SFMBT2: variants seen among roughly 807,000 people sequenced by gnomAD.
The protein encoded by SFMBT2 is scm-like with four MBT domains protein 2.
A neutral mutation model predicts 110.1 loss-of-function variants in SFMBT2; 38 were observed. The ratio of observed to expected loss-of-function variants is 0.35; its 90% CI spans 0.27 to 0.45. The LOEUF (loss-of-function observed/expected upper bound fraction) is 0.45, where lower values mean the gene tolerates loss of function less well. SFMBT2 is among the 20% of genes least tolerant of loss of function. The probability of loss-of-function intolerance (pLI) is 1.00; values close to 1 mark genes in which losing one functional copy is unlikely to be tolerated. For synonymous variants in SFMBT2, 425 were observed against 425.4 expected (o/e 1.00, Z 0.01); for missense variants, 1,011 against 1,094.9 (o/e 0.92, Z 1.08).
At chr10:7,208,187 G>A (rs891838405) in intron 11 of SFMBT2, among the ~76,000 whole-genome samples, 2 of 152,102 alleles carry the variant, frequency 1.3e-5, no homozygotes, top group Non-Finnish European at 2.9e-5. Context: ...GCCTCTGCCC[G>A]TCCTGAAGGG....
rs1373473429 is a variant in SFMBT2, at chr10:7,172,864, C to G, written c.1985-203G>C. ...GAAGGTGTTCGGGCTGAACTTGGCC[C>G]GTCCCCAGTGTTGAAGCCCAAACCC... On this transcript the variant is annotated intron_variant, in intron 17 of 20. Transcript: ENST00000397167. The surrounding 1 kb of genome is among the most constrained non-coding windows in gnomAD (Gnocchi z 4.6). Among the ~76,000 whole-genome samples, 2 of 152,170 alleles carry G rather than the reference C, an allele frequency of 1.3e-5. No individual in the cohort carries two copies. Among genetic ancestry groups the G allele is most frequent in the African/African-American group, 4.8e-5 (2 of 41,432 alleles).
rs1332192356 is a variant in SFMBT2, at chr10:7,243,594, A to G, written c.1084T>C (p.Cys362Arg). 1 of 872,946 alleles carries G rather than the reference A, an allele frequency of 1.1e-6. No individual in the cohort carries two copies. Among genetic ancestry groups the G allele is most frequent in the Admixed American group, 1.7e-5 (1 of 59,190 alleles). 54.1% of individuals were successfully genotyped at this position (872,946 alleles called of 1,614,324 possible). The change falls in exon 9 of 21, where the codon TGC becomes CGC. Residue 362 changes from cysteine (C) to arginine (R), a missense_variant. This residue lies in a region of SFMBT2 where 979 missense variants were observed against 1,016.1 expected (regional missense o/e 0.96). Coordinates refer to ENST00000397167, the MANE Select transcript of SFMBT2 (RefSeq NM_001387889.1). ...GTGAGGCTGACTCCATTTTTAAGGC[A>G]CCACTGTACTGGCAAAATCCCCAAA... Reference protein sequence around the residue: ...DSLGILPVQWCLKNGVSLTPP... With the variant: ...DSLGILPVQWRLKNGVSLTPP...
intron 7 of SFMBT2, among the ~76,000 whole-genome samples, chr10:7,272,632 T>C (rs946330434): frequency 2.0e-5 from 3 of 152,112 alleles, no homozygotes; most frequent in African/African-American, 7.2e-5. Flanking sequence ...TCTCTCCACG[T>C]GGCTCCTGGA....
At chr10:7,286,322 G>C in intron 4 of SFMBT2, 1 of 748,246 alleles carries the variant, frequency 1.3e-6, no homozygotes, top group Non-Finnish European at 1.6e-6. Context: ...TTTCCAGGTG[G>C]GAAAATCAAA....
chr10:7,372,711 C>T (rs960234982), intron 2 of SFMBT2, among the ~76,000 whole-genome samples: 1 of 152,238 alleles, frequency 6.6e-6, no homozygotes, highest in Non-Finnish European at 1.5e-5. Flanking sequence ...CGGCACTGGG[C>T]ACCTCTTACC....
chr10:7,175,919 A>C, intron 17 of SFMBT2, 71 bp downstream of exon 17: 14 of 1,431,640 alleles, frequency 9.8e-6, no homozygotes, highest in Non-Finnish European at 1.3e-5. Context: ...AATGAAACAA[A>C]AACCAAATAC....
chr10:7,401,685 C>G (rs929781796), intron 1 of SFMBT2, among the ~76,000 whole-genome samples: 1 of 152,172 alleles, frequency 6.6e-6, no homozygotes, highest in African/African-American at 2.4e-5. Context: ...TCCCCAAAAC[C>G]TCCTTCCAAA....
chr10:7,325,651 G>C (rs971069195), intron 4 of SFMBT2, among the ~76,000 whole-genome samples: 3 of 152,202 alleles, frequency 2.0e-5, no homozygotes, highest in African/African-American at 7.2e-5. Flanking sequence ...CACTTCAGTA[G>C]GTACAGGCTC....
chr10:7,168,068 C>CA (rs111860362), intron 20 of SFMBT2, among the ~76,000 whole-genome samples: 72,629 of 145,138 alleles, frequency 0.5, 17,859 homozygotes, highest in Non-Finnish European at 0.54. Flanking sequence ...AACTCCATCT[C>CA]AAAAAAAAAA....
Position 7,287,077 on chromosome 10 carries a change from C to CTTTT in SFMBT2, c.437-1127_437-1124dup, listed in dbSNP as rs761728311. Among the ~76,000 whole-genome samples, 522 of 99,580 alleles carry CTTTT rather than the reference C, an allele frequency of 5.2e-3. 6 individuals carry two copies. The highest frequency in any genetic ancestry group is 7.3e-3 in the East Asian group (22 of 3,006). 65.3% of individuals were successfully genotyped at this position (99,580 alleles called of 152,430 possible). A position where few individuals can be genotyped will look rare whatever the true frequency, so the allele number is the denominator to read the frequency against. On this transcript the variant is annotated intron_variant, in intron 4 of 20. Coordinates refer to ENST00000397167, the MANE Select transcript of SFMBT2 (RefSeq NM_001387889.1). ...CAAGGAAGGAATGTATTTGAGGCAT[C>CTTTT]TTTTTTTTTTTTTTTTTTTTTTGAG...
At chr10:7,180,592 C>A (rs1197135894) in intron 16 of SFMBT2, among the ~76,000 whole-genome samples, 1 of 152,170 alleles carries the variant, frequency 6.6e-6, no homozygotes, top group Non-Finnish European at 1.5e-5. Flanking sequence ...CGGGTGCCTG[C>A]CTGGCCTCAC....
At chr10:7,280,650 A>C (rs1443597333) in intron 6 of SFMBT2, among the ~76,000 whole-genome samples, 2 of 152,210 alleles carry the variant, frequency 1.3e-5, no homozygotes, top group Non-Finnish European at 2.9e-5. Context: ...AATGTCTAGA[A>C]AAGGCCAATC....
chr10:7,342,504 GT>G (rs1289791162), intron 4 of SFMBT2, among the ~76,000 whole-genome samples: 1 of 147,342 alleles, frequency 6.8e-6, no homozygotes, highest in Non-Finnish European at 1.5e-5. Context: ...CGCCTCCCGG[GT>G]TCATGCCATT....
intron 11 of SFMBT2, among the ~76,000 whole-genome samples, chr10:7,209,675 T>C (rs1285480945): frequency 2.0e-5 from 3 of 152,218 alleles, no homozygotes; most frequent in Admixed American, 6.5e-5. Flanking sequence ...GGAAATAACA[T>C]ATATTCATAT....
intron 11 of SFMBT2, among the ~76,000 whole-genome samples, chr10:7,213,106 C>T (rs1186539830): frequency 6.6e-6 from 1 of 152,040 alleles, no homozygotes; most frequent in African/African-American, 2.4e-5. Flanking sequence ...GGAGGGAGAG[C>T]ATTAGGACAA....
intron 4 of SFMBT2, among the ~76,000 whole-genome samples, chr10:7,362,298 T>A (rs79176854): frequency 0.049 from 7,467 of 152,174 alleles, 602 homozygotes; most frequent in African/African-American, 0.17. Flanking sequence ...CTGATGGGAA[T>A]CCCCTAGTGA....
rs1202128607 is a variant in SFMBT2 at position 7,160,279 on chromosome 10, T to C, written c.*3491A>G. 1 of 152,188 alleles carries C rather than the reference T, an allele frequency of 6.6e-6. No individual in the cohort carries two copies. The highest frequency in any genetic ancestry group is 1.5e-5 in the Non-Finnish European group (1 of 68,034). 9.4% of individuals were successfully genotyped at this position (152,188 alleles called of 1,614,324 possible). ...GTAGTACCCTGTTGTTTTTCTAGGT[T>C]GTTAGGCTTATGTCTTTGTGGACAG... On this transcript the variant is annotated 3_prime_UTR_variant, in exon 21 of 21. Coordinates refer to ENST00000397167, the MANE Select transcript of SFMBT2 (RefSeq NM_001387889.1).
At chr10:7,257,599 GAGAC>G (rs1215364763) in intron 7 of SFMBT2, among the ~76,000 whole-genome samples, 13 of 152,294 alleles carry the variant, frequency 8.5e-5, no homozygotes, top group African/African-American at 2.9e-4. Flanking sequence ...TACTAACAGA[GAGAC>G]AGGAGAAAGA....
intron 12 of SFMBT2, 135 bp from the exon 13 acceptor site, chr10:7,202,657 T>C (rs2131605612): frequency 1.3e-6 from 2 of 1,533,400 alleles, no homozygotes; most frequent in African/African-American, 2.8e-5. Flanking sequence ...ACGTCATTCA[T>C]GCCACAATTT....
Sources: gnomAD v4.1 joint callset for allele counts (sites outside exome capture counted in the v4.1 genomes callset) on GRCh38, gnomAD v4.1.1 for gene constraint, gnomAD v4.1.1 regional missense constraint, Gnocchi (gnomAD v3.1) non-coding constraint, MANE v1.5 for transcripts, NCBI Gene and HGNC (gene_info 2026-07-23, HGNC 2026-07-21) for gene names.